CA12: variants seen among roughly 807,000 people sequenced by gnomAD.
CA12 encodes the protein carbonate dehydratase XII.
A neutral mutation model predicts 46.8 loss-of-function variants in CA12; 36 were observed. That is an observed-to-expected ratio of 0.77 (90% CI 0.59 to 1.02). CA12 has a LOEUF of 1.02. Among genes scored for constraint, CA12 ranks in the 50% least tolerant of loss-of-function variants. The pLI is 0.00. For missense variants in CA12, 436 were observed against 451.4 expected, an observed-to-expected ratio of 0.97 and a Z score of 0.31; for synonymous variants, 202 against 187.0, an observed-to-expected ratio of 1.08 and a Z score of -0.65.
At chr15:63,362,127 G>T (rs985154486) in intron 2 of CA12, among the ~76,000 whole-genome samples, 2 of 152,170 alleles carry the variant, frequency 1.3e-5, no homozygotes, top group African/African-American at 4.8e-5. Context: ...CAGTCACAGA[G>T]AATATGCAAA....
intron 1 of CA12, among the ~76,000 whole-genome samples, chr15:63,377,291 G>A (rs950401597): frequency 6.6e-6 from 1 of 152,044 alleles, no homozygotes; most frequent in Non-Finnish European, 1.5e-5. Context: ...GGGTCTCCGT[G>A]GTTCTCGACC....
At chr15:63,333,663 G>C (rs2038963531) in intron 8 of CA12, among the ~76,000 whole-genome samples, 1 of 152,194 alleles carries the variant, frequency 6.6e-6, no homozygotes, top group African/African-American at 2.4e-5. Flanking sequence ...CAAAAAATTA[G>C]ATAATTAGCC....
At chr15:63,349,046 T>A (rs2039190838) in intron 2 of CA12, among the ~76,000 whole-genome samples, 1 of 152,184 alleles carries the variant, frequency 6.6e-6, no homozygotes, top group Non-Finnish European at 1.5e-5. Flanking sequence ...GCAGCTATGT[T>A]GGACCAGGGG....
intron 2 of CA12, among the ~76,000 whole-genome samples, chr15:63,363,853 C>T (rs943267762): frequency 1.3e-5 from 2 of 152,182 alleles, no homozygotes; most frequent in Middle Eastern, 3.2e-3. Context: ...TTCATCCTTG[C>T]TGATGTACAA....
In CA12 at chr15:63,373,038, G is replaced by A. The variant is rs1319999223; in HGVS notation, c.106+2620C>T. Among the ~76,000 whole-genome samples the A allele has an allele frequency of 1.3e-5, 2 of 152,164 alleles. No homozygotes were observed. Among genetic ancestry groups the A allele is most frequent in the African/African-American group, 4.8e-5 (2 of 41,428 alleles). On this transcript the variant is annotated intron_variant, in intron 2 of 10. Transcript: ENST00000178638. This position sits in a 1 kb window ranked among gnomAD's most constrained non-coding sequence, Gnocchi z 4.9. ...GGCTGCACTGAGAAGCCCGCCCTTG[G>A]CGAACACCACGTCATGATGAAGAGG...
intron 2 of CA12, among the ~76,000 whole-genome samples, chr15:63,360,280 G>C (rs987931887): frequency 6.6e-6 from 1 of 152,200 alleles, no homozygotes; most frequent in Non-Finnish European, 1.5e-5. Flanking sequence ...GGAACTCAAG[G>C]CTTGGGAAAC....
chr15:63,357,404 A>G (rs1346148737), intron 2 of CA12, among the ~76,000 whole-genome samples: 1 of 152,208 alleles, frequency 6.6e-6, no homozygotes, highest in Non-Finnish European at 1.5e-5. Flanking sequence ...ATATTTCTCA[A>G]CCATGGCTAC....
At position 63,331,970 on chromosome 15, in the gene CA12, G is replaced by A. The variant is rs1281732728; in HGVS notation, c.875-3840C>T. On this transcript the variant is annotated intron_variant, in intron 8 of 10. Transcript: ENST00000178638. The surrounding 1 kb of genome is among the most constrained non-coding windows in gnomAD (Gnocchi z 5.3). ...GCTCTATTTACGATTCTGTTTGACT[G>A]TGGACTATAATCCTTTTCAAGTATT... 3.3e-5 allele frequency among the ~76,000 whole-genome samples: 5 copies of A among 152,182 alleles called. No individual in the cohort carries two copies. The highest frequency in any genetic ancestry group is 9.7e-5 in the African/African-American group (4 of 41,426).
chr15:63,338,253 G>C (rs1053619760), intron 8 of CA12, among the ~76,000 whole-genome samples: 1 of 152,238 alleles, frequency 6.6e-6, no homozygotes, highest in East Asian at 1.9e-4. Context: ...GCTCCAAGGA[G>C]GTTAGACAAA....
intron 2 of CA12, among the ~76,000 whole-genome samples, chr15:63,360,183 C>T (rs1365890076): frequency 1.3e-5 from 2 of 152,190 alleles, no homozygotes; most frequent in African/African-American, 4.8e-5. Context: ...GTAACGTTTG[C>T]ACCTGTTTCC....
rs1033646614 is a variant in CA12, at chr15:63,324,592, G to A, written c.*1693C>T. On this transcript the variant is annotated 3_prime_UTR_variant, in exon 11 of 11. Coordinates refer to ENST00000178638, the MANE Select transcript of CA12 (RefSeq NM_001218.5). ...CACAGAGAGACACACACACATTTGA[G>A]CTCCCATTAGGTCACTTGTAACTTT... 1 of 152,030 alleles carries A rather than the reference G, an allele frequency of 6.6e-6. No homozygotes were observed. 9.4% of individuals were successfully genotyped at this position (152,030 alleles called of 1,614,324 possible).
intron 2 of CA12, among the ~76,000 whole-genome samples, chr15:63,363,319 G>A (rs2039389962): frequency 6.6e-6 from 1 of 152,150 alleles, no homozygotes; most frequent in Non-Finnish European, 1.5e-5. Flanking sequence ...CCAGATCAAT[G>A]TCACCTTCTC....
intron 2 of CA12, among the ~76,000 whole-genome samples, chr15:63,362,085 T>C (rs752916272): frequency 6.6e-6 from 1 of 152,180 alleles, no homozygotes; most frequent in Non-Finnish European, 1.5e-5. Flanking sequence ...GTGGTTTCTG[T>C]CACTACCAGC....
chr15:63,381,067 T>A (rs1034488466), intron 1 of CA12, among the ~76,000 whole-genome samples: 5 of 152,068 alleles, frequency 3.3e-5, no homozygotes, highest in Non-Finnish European at 5.9e-5. Context: ...CGTGCGTGTG[T>A]GTGTGTACGT....
chr15:63,375,480 G>A (rs1042011755), intron 2 of CA12, 178 bp downstream of exon 2: 16 of 568,906 alleles, frequency 2.8e-5, no homozygotes, highest in Non-Finnish European at 4.5e-5. Flanking sequence ...AGTGCAGTAT[G>A]CAACCCAAGT....
intron 2 of CA12, among the ~76,000 whole-genome samples, chr15:63,369,641 A>T (rs2039477788): frequency 2.0e-5 from 3 of 152,228 alleles, no homozygotes; most frequent in Admixed American, 2.0e-4. Context: ...CAGGGACCAC[A>T]CTTTGAGAAC....
At chr15:63,334,742 G>C (rs1473828129) in intron 8 of CA12, among the ~76,000 whole-genome samples, 1 of 152,160 alleles carries the variant, frequency 6.6e-6, no homozygotes, top group Non-Finnish European at 1.5e-5. Context: ...AGAGGCATCT[G>C]CACCCCTGAT....
Position 63,381,743 on chromosome 15 carries a change from G to A in CA12, c.-23C>T, listed in dbSNP as rs772871785. On this transcript the variant is annotated 5_prime_UTR_variant, in exon 1 of 11. Coordinates refer to ENST00000178638, the MANE Select transcript of CA12 (RefSeq NM_001218.5). ...CATCTTCGCGGGCTCCTGCGGGGCG[G>A]GCGCGGGCTGTGCCGGGGGCTCCCG... 7.1e-6 allele frequency: 11 copies of A among 1,542,890 alleles called. No homozygotes were observed.
At position 63,337,035 on chromosome 15, in the gene CA12, C is replaced by T. The variant is rs530873652; in HGVS notation, c.874+1784G>A. ...GAATGAGAAAAGACAGCGTTGTATC[C>T]ATAACAGATACATTCCATGCACTCA... On this transcript the variant is annotated intron_variant, in intron 8 of 10. Coordinates refer to ENST00000178638, the MANE Select transcript of CA12 (RefSeq NM_001218.5). Among the ~76,000 whole-genome samples, 21 of 152,286 alleles carry T rather than the reference C, an allele frequency of 1.4e-4. No individual in the cohort carries two copies. The East Asian group carries it at 3.9e-3, about 28-fold the overall frequency.
Sources: allele counts gnomAD v4.1 joint callset (sites outside exome capture counted in the v4.1 genomes callset), GRCh38; gene constraint gnomAD v4.1.1; non-coding constraint Gnocchi (gnomAD v3.1); transcripts MANE v1.5; gene names NCBI Gene and HGNC (gene_info 2026-07-23, HGNC 2026-07-21).